Variants in PEX14 observed in about 807,000 individuals in gnomAD.
The protein encoded by PEX14 is peroxisomal biogenesis factor 14.
A neutral mutation model predicts 49.5 loss-of-function variants in PEX14; 15 were observed. The ratio of observed to expected loss-of-function variants is 0.30; its 90% CI spans 0.20 to 0.47. PEX14 has a LOEUF of 0.47. PEX14 is among the 20% of genes least tolerant of loss of function. The pLI is 1.00. For synonymous variants in PEX14, 210 were observed against 212.7 expected (o/e 0.99, Z 0.11); for missense variants, 398 against 494.8 (o/e 0.80, Z 1.86).
At position 10,491,193 on chromosome 1, in the gene PEX14, T is replaced by C. The variant is rs532590471; in HGVS notation, c.37-4081T>C. On this transcript the variant is annotated intron_variant, in intron 1 of 8. Transcript: ENST00000356607. ...GCTTCGATTGTTTAAACAGCTAGCA[T>C]GGTGGAAGATTTTAAAAAAATGTTC... Among the ~76,000 whole-genome samples the C allele has an allele frequency of 1.4e-3, 209 of 151,718 alleles. 2 individuals are homozygous for C. In the South Asian group the frequency reaches 0.015, roughly 11 times the overall value.
intron 3 of PEX14, among the ~76,000 whole-genome samples, chr1:10,579,706 GC>G (rs1019212605): frequency 6.6e-6 from 1 of 152,120 alleles, no homozygotes; most frequent in African/African-American, 2.4e-5. Context: ...TCCCGATGTT[GC>G]CATGGCGTCT....
intron 1 of PEX14, among the ~76,000 whole-genome samples, chr1:10,476,018 G>T (rs766702040): frequency 1.3e-5 from 2 of 152,128 alleles, no homozygotes; most frequent in Non-Finnish European, 1.5e-5. Flanking sequence ...ATACATTTTT[G>T]AGTTTAGTTA....
intron 2 of PEX14, among the ~76,000 whole-genome samples, chr1:10,525,917 C>T (rs1290576565): frequency 2.0e-5 from 3 of 150,878 alleles, no homozygotes; most frequent in Non-Finnish European, 3.0e-5. Flanking sequence ...AGCCACTGCG[C>T]CTGGCTGATT....
chr1:10,538,323 TA>T (rs1638900186), intron 3 of PEX14, among the ~76,000 whole-genome samples: 1 of 152,210 alleles, frequency 6.6e-6, no homozygotes, highest in Non-Finnish European at 1.5e-5. Flanking sequence ...ACAGTGGACA[TA>T]ATTCCTTCTT....
In PEX14 at chr1:10,628,980, G is replaced by C. The variant is rs1641829315; in HGVS notation, c.678-551G>C. Reference sequence around the variant, plus strand: ...GCCTCTTCTGCGTTGAAAGTGTTGAGCTCAGAAGTTTTCTAGCAAAGGGCA... The same window carrying C: ...GCCTCTTCTGCGTTGAAAGTGTTGACCTCAGAAGTTTTCTAGCAAAGGGCA... On this transcript the variant is annotated intron_variant, in intron 8 of 8. Coordinates refer to ENST00000356607, the MANE Select transcript of PEX14 (RefSeq NM_004565.3). This position sits in a 1 kb window ranked among gnomAD's most constrained non-coding sequence, Gnocchi z 4.5. Among the ~76,000 whole-genome samples the C allele has an allele frequency of 6.6e-6, 1 of 152,204 alleles. No individual in the cohort carries two copies. Among genetic ancestry groups the C allele is most frequent in the Non-Finnish European group, 1.5e-5 (1 of 68,026 alleles).
chr1:10,549,942 C>CCCAT (rs780618165), intron 3 of PEX14, among the ~76,000 whole-genome samples: 20 of 152,106 alleles, frequency 1.3e-4, no homozygotes, highest in Non-Finnish European at 2.5e-4. Context: ...TCATCCACCA[C>CCCAT]CCATCCATCC....
At chr1:10,479,659 A>G (rs993442933) in intron 1 of PEX14, among the ~76,000 whole-genome samples, 2 of 152,226 alleles carry the variant, frequency 1.3e-5, no homozygotes, top group East Asian at 1.9e-4. Context: ...CACTGGGTAC[A>G]GTAAATTTTG....
chr1:10,538,061 A>C (rs577853656), intron 3 of PEX14, among the ~76,000 whole-genome samples: 29 of 152,216 alleles, frequency 1.9e-4, no homozygotes, highest in Non-Finnish European at 3.4e-4. Flanking sequence ...AGAGAACCGA[A>C]CAGACAAAAT....
At chr1:10,500,352 C>A (rs373682770) in intron 2 of PEX14, among the ~76,000 whole-genome samples, 1 of 111,248 alleles carries the variant, frequency 9.0e-6, no homozygotes, top group African/African-American at 3.5e-5. Flanking sequence ...GCAGCCTGGG[C>A]GACAGAGCCA....
intron 8 of PEX14, 71 bp downstream of exon 8, chr1:10,627,434 G>A: frequency 9.1e-7 from 1 of 1,104,930 alleles, no homozygotes; most frequent in Non-Finnish European, 1.4e-6. Context: ...TGGGGCATGG[G>A]AGGGGCATGA....
At chr1:10,503,847 C>A (rs139161067) in intron 2 of PEX14, among the ~76,000 whole-genome samples, 23 of 152,206 alleles carry the variant, frequency 1.5e-4, no homozygotes, top group African/African-American at 5.3e-4. Flanking sequence ...GATTCTCATG[C>A]CTAAGCCTCT....
chr1:10,608,315 A>G (rs555463735), intron 4 of PEX14, among the ~76,000 whole-genome samples: 8 of 152,214 alleles, frequency 5.3e-5, no homozygotes, highest in Admixed American at 1.3e-4. Context: ...AGTTGTGCCT[A>G]TACCTTATGT....
chr1:10,622,452 C>T (rs539399812), intron 5 of PEX14, among the ~76,000 whole-genome samples: 1 of 152,294 alleles, frequency 6.6e-6, no homozygotes, highest in African/African-American at 2.4e-5. Flanking sequence ...TATCCCCTGG[C>T]GAGAGAACCA....
chr1:10,515,084 C>T (rs1641947814), intron 2 of PEX14, among the ~76,000 whole-genome samples: 3 of 152,194 alleles, frequency 2.0e-5, no homozygotes, highest in Admixed American at 2.0e-4. Flanking sequence ...GCGGGCTCTC[C>T]AGCAGCATGG....
At chr1:10,604,032 GAGCA>G (rs1306607798) in intron 4 of PEX14, among the ~76,000 whole-genome samples, 3 of 152,194 alleles carry the variant, frequency 2.0e-5, no homozygotes, top group Non-Finnish European at 4.4e-5. Context: ...TTAATTCACT[GAGCA>G]AGCATTGTTA....
At chr1:10,626,983 G>A (rs971781181) in intron 7 of PEX14, among the ~76,000 whole-genome samples, 1 of 152,174 alleles carries the variant, frequency 6.6e-6, no homozygotes, top group African/African-American at 2.4e-5. Flanking sequence ...TACCGCACCC[G>A]CACGCCTCCG....
intron 4 of PEX14, among the ~76,000 whole-genome samples, chr1:10,604,524 T>C (rs773709928): frequency 6.6e-6 from 1 of 152,000 alleles, no homozygotes; most frequent in Non-Finnish European, 1.5e-5. Flanking sequence ...GGTGGGAGGA[T>C]TGCTTGAGCC....
intron 3 of PEX14, among the ~76,000 whole-genome samples, chr1:10,578,958 C>T (rs999632373): frequency 7.2e-5 from 11 of 152,124 alleles, no homozygotes; most frequent in African/African-American, 2.7e-4. Flanking sequence ...AGCTGTCTAA[C>T]ATAGGGTGAC....
At chr1:10,578,131 C>T (rs1445333179) in intron 3 of PEX14, among the ~76,000 whole-genome samples, 1 of 152,118 alleles carries the variant, frequency 6.6e-6, no homozygotes, top group Admixed American at 6.5e-5. Context: ...GAGAACCATG[C>T]TGGGGATCAC....
Sources: allele counts gnomAD v4.1 joint callset (sites outside exome capture counted in the v4.1 genomes callset), GRCh38; gene constraint gnomAD v4.1.1; non-coding constraint Gnocchi (gnomAD v3.1); transcripts MANE v1.5; gene names NCBI Gene and HGNC (gene_info 2026-07-23, HGNC 2026-07-21).